THEM4: variants seen among roughly 807,000 people sequenced by gnomAD.
The protein encoded by THEM4 is acyl-coenzyme A thioesterase THEM4.
THEM4 carries 22 observed loss-of-function variants against 25.0 expected under a neutral mutation model. The observed-to-expected ratio is 0.88, with a 90% CI of 0.63 to 1.26. THEM4 has a LOEUF of 1.26. THEM4 is among the 50% of genes most tolerant of loss of function. The pLI, the probability that THEM4 is intolerant of heterozygous loss-of-function variation, is 0.00. For synonymous variants in THEM4, 113 were observed against 105.6 expected, an observed-to-expected ratio of 1.07 and a Z score of -0.43; for missense variants, 286 against 300.3, an observed-to-expected ratio of 0.95 and a Z score of 0.35.
intron 1 of THEM4, among the ~76,000 whole-genome samples, chr1:151,903,371 C>G (rs1335737435): frequency 6.6e-6 from 1 of 152,086 alleles, no homozygotes; most frequent in Non-Finnish European, 1.5e-5. Flanking sequence ...CTACATTTAC[C>G]ACTTGAAATT....
At chr1:151,899,976 G>A (rs1289121709) in intron 1 of THEM4, among the ~76,000 whole-genome samples, 1 of 152,202 alleles carries the variant, frequency 6.6e-6, no homozygotes, top group Non-Finnish European at 1.5e-5. Flanking sequence ...AACCCTACAA[G>A]CCAGAAGGGA....
intron 2 of THEM4, among the ~76,000 whole-genome samples, chr1:151,893,136 CAAGGTGGGG>C (rs1654129473): frequency 2.0e-5 from 3 of 152,036 alleles, no homozygotes; most frequent in Non-Finnish European, 4.4e-5. Context: ...TTTGGGAGGC[CAAGGTGGGG>C]CAGATCACTT....
At chr1:151,897,247 T>G (rs572736529) in intron 1 of THEM4, among the ~76,000 whole-genome samples, 2 of 152,336 alleles carry the variant, frequency 1.3e-5, no homozygotes, top group South Asian at 4.1e-4. Flanking sequence ...TCAGATTTAA[T>G]GTACCTACAA....
chr1:151,878,118 C>A (rs950926706), intron 4 of THEM4, among the ~76,000 whole-genome samples: 1 of 152,188 alleles, frequency 6.6e-6, no homozygotes, highest in East Asian at 1.9e-4. Context: ...GCCTGCCCAG[C>A]AACTCCCTTT....
intron 1 of THEM4, among the ~76,000 whole-genome samples, chr1:151,899,371 G>A (rs1654299218): frequency 6.6e-6 from 1 of 151,670 alleles, no homozygotes; most frequent in Non-Finnish European, 1.5e-5. Context: ...CACGCCTGTA[G>A]TTCCAGCTAC....
rs186739360 is a variant in THEM4 at position 151,899,987 on chromosome 1, T to C, written c.100-4793A>G. Among the ~76,000 whole-genome samples the C allele has an allele frequency of 6.6e-5, 10 of 152,290 alleles. No homozygotes were observed. The East Asian group carries it at 1.4e-3, about 21-fold the overall frequency. ...CAGAAACCCTACAAGCCAGAAGGGA[T>C]TGGGGCCCTATCTTCAGCCTCCTCA... is the stretch of plus-strand genomic sequence containing the variant. On this transcript the variant is annotated intron_variant, in intron 1 of 5. Transcript: ENST00000368814.
chr1:151,886,370 A>G (rs1653970721), intron 4 of THEM4, among the ~76,000 whole-genome samples: 1 of 152,216 alleles, frequency 6.6e-6, no homozygotes, highest in Non-Finnish European at 1.5e-5. Context: ...ACACTTTTTG[A>G]GATAAACAGC....
chr1:151,877,272 G>A (rs1653705565), intron 4 of THEM4, 147 bp from the exon 5 acceptor site: 3 of 787,264 alleles, frequency 3.8e-6, no homozygotes, highest in Non-Finnish European at 5.6e-6. Flanking sequence ...CATTCCTCAA[G>A]GACTCTGACA....
At chr1:151,908,541 C>T (rs1353623748) in intron 1 of THEM4, among the ~76,000 whole-genome samples, 1 of 152,120 alleles carries the variant, frequency 6.6e-6, no homozygotes, top group Admixed American at 6.5e-5. Context: ...AGTTTGAAAG[C>T]CAGAAATATT....
rs1442157577 is a variant in THEM4, at chr1:151,909,477, C to G, written c.-19G>C. The G allele has an allele frequency of 2.2e-6, 3 of 1,373,014 alleles. No homozygotes were observed. Among genetic ancestry groups the G allele is most frequent in the Non-Finnish European group, 1.9e-6 (2 of 1,071,612 alleles). The allele number at this position is 1,373,014 out of a possible 1,614,324, so 85.1% of individuals were successfully genotyped here. ...TCAGCATGGCTCCGGGCCGCGGGGC[C>G]GCGCTTGCTCTAGCCCTGGACGGCG... On this transcript the variant is annotated 5_prime_UTR_variant, in exon 1 of 6. Transcript: ENST00000368814.
At chr1:151,897,284 A>T (rs1654247104) in intron 1 of THEM4, among the ~76,000 whole-genome samples, 1 of 152,198 alleles carries the variant, frequency 6.6e-6, no homozygotes, top group South Asian at 2.1e-4. Flanking sequence ...TAAAACCAAA[A>T]CGGGGAGGTC....
intron 1 of THEM4, among the ~76,000 whole-genome samples, chr1:151,898,616 G>C (rs1331585476): frequency 6.6e-6 from 1 of 152,242 alleles, no homozygotes; most frequent in Non-Finnish European, 1.5e-5. Context: ...GCCACCTCTT[G>C]GCAGGAGGCC....
intron 3 of THEM4, 64 bp from the exon 4 acceptor site, chr1:151,888,447 A>C: frequency 2.4e-6 from 3 of 1,256,746 alleles, no homozygotes; most frequent in Non-Finnish European, 3.4e-6. Flanking sequence ...AGCCTCTTGA[A>C]AGAGAAAAAT....
At chr1:151,886,698 C>A (rs887404038) in intron 4 of THEM4, among the ~76,000 whole-genome samples, 16 of 152,158 alleles carry the variant, frequency 1.1e-4, no homozygotes, top group African/African-American at 3.9e-4. Context: ...GGTACAATGA[C>A]AATCTGGGTT....
intron 4 of THEM4, 75 bp from the exon 5 acceptor site, chr1:151,877,200 A>G (rs1653704329): frequency 3.5e-6 from 5 of 1,442,612 alleles, no homozygotes; most frequent in Non-Finnish European, 3.7e-6. Flanking sequence ...GATCAAGTAC[A>G]TGACAAGGGA....
At chr1:151,881,160 G>A (rs536969986) in intron 4 of THEM4, among the ~76,000 whole-genome samples, 2 of 151,986 alleles carry the variant, frequency 1.3e-5, no homozygotes, top group South Asian at 4.2e-4. Context: ...TTTATTTATT[G>A]TAAATTTTTA....
intron 1 of THEM4, among the ~76,000 whole-genome samples, chr1:151,902,677 C>T (rs1300599416): frequency 2.0e-5 from 3 of 152,012 alleles, no homozygotes; most frequent in African/African-American, 7.2e-5. Flanking sequence ...AAAAATTAAA[C>T]AAAACAGATC....
chr1:151,895,741 T>C (rs537561612), intron 1 of THEM4, among the ~76,000 whole-genome samples: 14 of 151,694 alleles, frequency 9.2e-5, no homozygotes, highest in Non-Finnish European at 1.6e-4. Flanking sequence ...AAATCTCATA[T>C]TGAAATGTAA....
intron 4 of THEM4, among the ~76,000 whole-genome samples, chr1:151,885,080 ATCTT>A (rs1653936452): frequency 1.3e-5 from 2 of 148,236 alleles, no homozygotes; most frequent in African/African-American, 5.0e-5. Flanking sequence ...TTGTGATTTC[ATCTT>A]TTATTTATTT....
Sources: gnomAD v4.1 joint callset for allele counts (sites outside exome capture counted in the v4.1 genomes callset) on GRCh38, gnomAD v4.1.1 for gene constraint, MANE v1.5 for transcripts, NCBI Gene and HGNC (gene_info 2026-07-23, HGNC 2026-07-21) for gene names.